The following ALCAM variants were observed in gnomAD, a reference collection of about 807,000 sequenced individuals.
ALCAM encodes the protein CD166 antigen.
ALCAM carries 30 observed loss-of-function variants against 70.9 expected under a neutral mutation model. The observed-to-expected ratio is 0.42, with a 90% CI of 0.32 to 0.57. The LOEUF (loss-of-function observed/expected upper bound fraction) is 0.57, where lower values mean the gene tolerates loss of function less well. Ranked by LOEUF, ALCAM falls within the 20% of genes least tolerant of loss-of-function variation. ALCAM has a pLI of 0.11. For missense variants in ALCAM, 591 were observed against 695.1 expected (o/e 0.85, Z 1.68); for synonymous variants, 249 against 242.5 (o/e 1.03, Z -0.25).
intron 2 of ALCAM, among the ~76,000 whole-genome samples, chr3:105,522,548 A>T (rs1293318700): frequency 6.6e-6 from 1 of 152,196 alleles, no homozygotes; most frequent in East Asian, 1.9e-4. Flanking sequence ...ACTCCCTGTG[A>T]ATGGAGATTA....
At chr3:105,473,425 G>C (rs887739724) in intron 1 of ALCAM, among the ~76,000 whole-genome samples, 3 of 151,394 alleles carry the variant, frequency 2.0e-5, no homozygotes, top group Non-Finnish European at 4.4e-5. Context: ...TGTATCCCAT[G>C]GTCTTTTATT....
chr3:105,548,798 T>G (rs1353109430), intron 11 of ALCAM, among the ~76,000 whole-genome samples: 1 of 151,466 alleles, frequency 6.6e-6, no homozygotes, highest in South Asian at 2.1e-4. Flanking sequence ...TTGAACCATC[T>G]AAATTGCTGA....
chr3:105,442,945 T>G (rs1321993573), intron 1 of ALCAM, among the ~76,000 whole-genome samples: 1 of 152,160 alleles, frequency 6.6e-6, no homozygotes, highest in Non-Finnish European at 1.5e-5. Flanking sequence ...TCCTCCCACT[T>G]GAGCCCCCTG....
chr3:105,437,309 A>G (rs1335939517), intron 1 of ALCAM, among the ~76,000 whole-genome samples: 2 of 152,198 alleles, frequency 1.3e-5, no homozygotes, highest in African/African-American at 2.4e-5. Flanking sequence ...GTAATTATAT[A>G]TTTTTAAACC....
intron 1 of ALCAM, among the ~76,000 whole-genome samples, chr3:105,499,741 A>G (rs1392653116): frequency 6.6e-6 from 1 of 152,210 alleles, no homozygotes; most frequent in Non-Finnish European, 1.5e-5. Flanking sequence ...AAACAGAACC[A>G]AAAGCATTTT....
At chr3:105,545,168 T>G (rs776613749) in intron 8 of ALCAM, 55 bp from the exon 9 acceptor site, 12 of 1,151,084 alleles carry the variant, frequency 1.0e-5, no homozygotes, top group African/African-American at 1.5e-5. Context: ...TCCAAAATAT[T>G]TTGACTATCT....
At chr3:105,535,946 C>T (rs1339998225) in intron 6 of ALCAM, among the ~76,000 whole-genome samples, 1 of 152,064 alleles carries the variant, frequency 6.6e-6, no homozygotes, top group Non-Finnish European at 1.5e-5. Flanking sequence ...TGAAATTCTT[C>T]CAAAGTTGCC....
At chr3:105,546,375 C>G (rs1266439081) in intron 9 of ALCAM, among the ~76,000 whole-genome samples, 1 of 151,344 alleles carries the variant, frequency 6.6e-6, no homozygotes, top group African/African-American at 2.4e-5. Flanking sequence ...TTTTAACACT[C>G]GATCCTCTGC....
intron 1 of ALCAM, among the ~76,000 whole-genome samples, chr3:105,479,876 T>C (rs1938222223): frequency 6.6e-6 from 1 of 152,158 alleles, no homozygotes; most frequent in South Asian, 2.1e-4. Context: ...CTTTGAACCA[T>C]ACGTTATACT....
chr3:105,539,574 T>C (rs1416132490), intron 6 of ALCAM, among the ~76,000 whole-genome samples: 1 of 152,100 alleles, frequency 6.6e-6, no homozygotes, highest in African/African-American at 2.4e-5. Context: ...TACAGTGGCA[T>C]CTAATAGCTT....
chr3:105,559,557 C>T (rs548138764), intron 14 of ALCAM, among the ~76,000 whole-genome samples: 20 of 152,030 alleles, frequency 1.3e-4, no homozygotes, highest in African/African-American at 4.6e-4. Context: ...GCACTAATCT[C>T]ATTCGTAAGG....
chr3:105,374,889 T>C (rs1042071821), intron 1 of ALCAM, among the ~76,000 whole-genome samples: 3 of 152,220 alleles, frequency 2.0e-5, no homozygotes, highest in African/African-American at 7.2e-5. Context: ...TTGTATTCCC[T>C]TGGCAATAAT....
At position 105,404,000 on chromosome 3, in the gene ALCAM, A is replaced by G. The variant is rs975042299; in HGVS notation, c.73+36519A>G. 5.9e-5 allele frequency among the ~76,000 whole-genome samples: 9 copies of G among 151,506 alleles called. No individual in the cohort carries two copies. The East Asian group carries it at 1.8e-3, about 30-fold the overall frequency. ...CAGAAGACGGAACTTCAGAGCTCAA[A>G]GACAAGTCTTTTGAATTAACCCAAT... On this transcript the variant is annotated intron_variant, in intron 1 of 15. Coordinates refer to ENST00000306107, the MANE Select transcript of ALCAM (RefSeq NM_001627.4).
chr3:105,411,429 A>C (rs903592674), intron 1 of ALCAM, among the ~76,000 whole-genome samples: 16 of 152,210 alleles, frequency 1.1e-4, no homozygotes, highest in Admixed American at 1.0e-3. Context: ...TGATAGTAGC[A>C]GTGGAAGTGG....
intron 5 of ALCAM, 107 bp from the exon 6 acceptor site, chr3:105,534,556 A>G (rs1447393018): frequency 7.5e-6 from 8 of 1,062,890 alleles, no homozygotes; most frequent in Non-Finnish European, 4.3e-6. Context: ...CCTGCTGAAT[A>G]CAGTTAGAAG....
chr3:105,474,629 A>G (rs1469249433), intron 1 of ALCAM, among the ~76,000 whole-genome samples: 1 of 151,794 alleles, frequency 6.6e-6, no homozygotes, highest in African/African-American at 2.4e-5. Flanking sequence ...GCGAGAAAGA[A>G]AAGAAGCTTT....
chr3:105,393,807 T>C (rs569953000), intron 1 of ALCAM, among the ~76,000 whole-genome samples: 1 of 152,000 alleles, frequency 6.6e-6, no homozygotes, highest in East Asian at 1.9e-4. Context: ...ACCATAATTC[T>C]TCATTATAAG....
chr3:105,438,521 C>T (rs1201611003), intron 1 of ALCAM, among the ~76,000 whole-genome samples: 1 of 151,986 alleles, frequency 6.6e-6, no homozygotes, highest in Non-Finnish European at 1.5e-5. Context: ...AAATGTTTCA[C>T]CATAGAATAG....
At chr3:105,538,669 G>C (rs1231860504) in intron 6 of ALCAM, among the ~76,000 whole-genome samples, 1 of 152,120 alleles carries the variant, frequency 6.6e-6, no homozygotes, top group African/African-American at 2.4e-5. Flanking sequence ...GCACTAGTCA[G>C]AGAAGGGCCA....
Sources: allele counts gnomAD v4.1 joint callset (sites outside exome capture counted in the v4.1 genomes callset), GRCh38; gene constraint gnomAD v4.1.1; transcripts MANE v1.5; gene names NCBI Gene and HGNC (gene_info 2026-07-23, HGNC 2026-07-21).